ARID1B: variants seen among roughly 807,000 people sequenced by gnomAD.
The protein encoded by ARID1B is AT-rich interaction domain 1B.
ARID1B carries 30 observed loss-of-function variants against 212.3 expected under a neutral mutation model. The ratio of observed to expected loss-of-function variants is 0.14; its 90% confidence interval spans 0.11 to 0.19. The LOEUF (loss-of-function observed/expected upper bound fraction) is 0.19. Ranked by LOEUF, ARID1B falls within the 10% of genes least tolerant of loss-of-function variation. The pLI is 1.00. For missense variants in ARID1B, 2,891 were observed against 3,204.0 expected, an observed-to-expected ratio of 0.90 and a Z score of 2.36; for synonymous variants, 1,402 against 1,301.7, an observed-to-expected ratio of 1.08 and a Z score of -1.66.
chr6:156,983,062 T>G (rs1022817889), intron 4 of ARID1B, among the ~76,000 whole-genome samples: 2 of 146,592 alleles, frequency 1.4e-5, no homozygotes, highest in Non-Finnish European at 3.0e-5. Context: ...ACAACTGCAC[T>G]CCAGTCCGGG....
chr6:157,203,213 T>C lies in ARID1B; in HGVS notation c.5264-653T>C, dbSNP rs1794226190. On this transcript the variant is annotated intron_variant, in intron 18 of 19. Transcript: ENST00000636930. The surrounding 1 kb of genome is among the most constrained non-coding windows in gnomAD (Gnocchi z 4.4). ...TCTTCCAAACTTTCTACCTGATCAT[T>C]TTGTTTCCTTCAGTAGCAGGAATAG... Among the ~76,000 whole-genome samples the C allele has an allele frequency of 6.6e-6, 1 of 152,174 alleles. No individual in the cohort carries two copies. Among genetic ancestry groups the C allele is most frequent in the Non-Finnish European group, 1.5e-5 (1 of 68,036 alleles).
intron 5 of ARID1B, among the ~76,000 whole-genome samples, chr6:157,087,337 AAGTGGAATTACAAACATTTG>A (rs1278598305): frequency 6.6e-6 from 1 of 152,238 alleles, no homozygotes; most frequent in Non-Finnish European, 1.5e-5. Flanking sequence ...CCTTTCTCCC[AAGTGGAATTACAAACATTTG>A]AACTTGATGG....
At chr6:157,038,552 C>T (rs1321527240) in intron 4 of ARID1B, among the ~76,000 whole-genome samples, 1 of 152,016 alleles carries the variant, frequency 6.6e-6, no homozygotes, top group Non-Finnish European at 1.5e-5. Flanking sequence ...TGATACAACT[C>T]AAGTTTATAA....
At chr6:157,185,901 T>C (rs1792942015) in intron 13 of ARID1B, 1 of 152,268 alleles carries the variant, frequency 6.6e-6, no homozygotes, top group African/African-American at 2.4e-5. Context: ...TCCTTAAAGA[T>C]TCAAAGGCTT....
chr6:157,155,757 G>A (rs186688116), intron 8 of ARID1B, among the ~76,000 whole-genome samples: 132 of 152,230 alleles, frequency 8.7e-4, no homozygotes, highest in African/African-American at 3.0e-3. Context: ...TAACCCCACC[G>A]TATTGCTGTT....
chr6:157,098,000 T>C (rs1031170533), intron 5 of ARID1B, among the ~76,000 whole-genome samples: 2 of 152,300 alleles, frequency 1.3e-5, no homozygotes, highest in Non-Finnish European at 2.9e-5. Flanking sequence ...AATTAGACGA[T>C]GAATACAAGT....
intron 3 of ARID1B, among the ~76,000 whole-genome samples, chr6:156,909,109 T>C (rs1475465252): frequency 6.7e-6 from 1 of 149,842 alleles, no homozygotes; most frequent in African/African-American, 2.5e-5. Context: ...TCTTTTTTTT[T>C]CTTTTTTCTT....
intron 4 of ARID1B, among the ~76,000 whole-genome samples, chr6:157,029,603 C>T (rs1314471393): frequency 6.6e-6 from 1 of 152,164 alleles, no homozygotes; most frequent in East Asian, 1.9e-4. Flanking sequence ...GAGGGATTCT[C>T]TTGAGGAGTG....
In ARID1B at chr6:156,901,480, G is replaced by C. The variant is rs146312104; in HGVS notation, c.2091G>C (p.Ala697=). The stretch of plus-strand genomic sequence containing the variant: ...AGCCCCCGCACCTCCCACCCCAGGC[G>C]CAGTATCTGCCGTCCCAGTCCCAGC... The part of the protein sequence containing the change: ...QPQPPHLPPQ[A]QYLPSQSQQR... Residue 697 remains alanine, a synonymous_variant, in exon 3 of 20, where the codon GCG becomes GCC. Coordinates refer to ENST00000636930, the MANE Select transcript of ARID1B (RefSeq NM_001374828.1). 57 of 1,613,756 alleles carry C rather than the reference G, an allele frequency of 3.5e-5. No homozygotes were observed. The highest frequency in any genetic ancestry group is 4.5e-5 in the Non-Finnish European group (53 of 1,180,008).
At chr6:157,175,115 C>G in intron 11 of ARID1B, 110 bp downstream of exon 11, 2 of 951,186 alleles carry the variant, frequency 2.1e-6, no homozygotes, top group Non-Finnish European at 1.4e-6. Context: ...TTTTGTAAGA[C>G]TTTTTCTTCA....
At chr6:156,926,256 ATGAAAT>A (rs1295557401) in intron 3 of ARID1B, among the ~76,000 whole-genome samples, 1 of 152,202 alleles carries the variant, frequency 6.6e-6, no homozygotes, top group Non-Finnish European at 1.5e-5. Flanking sequence ...TAGGGGAAAA[ATGAAAT>A]TGTTAAGGTT....
chr6:157,053,741 A>G (rs1388850835), intron 4 of ARID1B, among the ~76,000 whole-genome samples: 3 of 152,100 alleles, frequency 2.0e-5, no homozygotes, highest in Admixed American at 1.3e-4. Flanking sequence ...GCCTTTCTAT[A>G]AGTTTGATTT....
intron 4 of ARID1B, among the ~76,000 whole-genome samples, chr6:157,039,394 A>G (rs1317147740): frequency 4.0e-4 from 54 of 133,492 alleles, no homozygotes; most frequent in South Asian, 4.5e-4. Flanking sequence ...GCAGTGGCGC[A>G]ATCTCGGCTC....
Position 157,174,966 on chromosome 6 carries a change from C to T in ARID1B, c.3465C>T (p.Ser1155=). Residue 1155 remains serine (S), a synonymous_variant, in exon 11 of 20, where the codon AGC becomes AGT. Transcript: ENST00000636930. ...CATTTCATGGAGATGAAAGTGATAG[C>T]ATTAGCAGCCCAGGCTGGCCAAAGA... ...ISSFHGDESD[S]ISSPGWPKTP... is the part of the protein sequence containing the mutation. The T allele has an allele frequency of 6.5e-7, 1 of 1,528,062 alleles. No homozygotes were observed. Among genetic ancestry groups the T allele is most frequent in the Non-Finnish European group, 8.8e-7 (1 of 1,135,500 alleles). 94.7% of individuals were successfully genotyped at this position (1,528,062 alleles called of 1,614,324 possible). A position where few individuals can be genotyped will look rare whatever the true frequency, so the allele number is the denominator to read the frequency against.
chr6:157,184,662 C>T (rs144085333), intron 13 of ARID1B: 2 of 597,992 alleles, frequency 3.3e-6, no homozygotes, highest in Admixed American at 6.0e-5. Context: ...TTGGAAGGCA[C>T]CCCTTCTTTT....
intron 3 of ARID1B, among the ~76,000 whole-genome samples, chr6:156,933,005 A>G (rs904753810): frequency 1.1e-4 from 16 of 152,222 alleles, no homozygotes; most frequent in Non-Finnish European, 5.9e-5. Context: ...TAAAGAGTGA[A>G]ATATAAGGCC....
intron 1 of ARID1B, among the ~76,000 whole-genome samples, chr6:156,814,244 C>T (rs1473871178): frequency 3.9e-5 from 6 of 151,972 alleles, no homozygotes; most frequent in Admixed American, 3.3e-4. Context: ...GGCAAGACCC[C>T]GTCTCTACAA....
At chr6:156,781,330 T>C (rs1473397100) in intron 1 of ARID1B, among the ~76,000 whole-genome samples, 1 of 152,156 alleles carries the variant, frequency 6.6e-6, no homozygotes, top group Non-Finnish European at 1.5e-5. Flanking sequence ...TGAGCCTTGT[T>C]TGAACTGCTT....
At chr6:156,868,889 G>A (rs1785909286) in intron 2 of ARID1B, among the ~76,000 whole-genome samples, 1 of 151,750 alleles carries the variant, frequency 6.6e-6, no homozygotes, top group African/African-American at 2.4e-5. Flanking sequence ...ACTTTGTTTT[G>A]CTAATGTGAA....
Sources: allele counts gnomAD v4.1 joint callset (sites outside exome capture counted in the v4.1 genomes callset), GRCh38; gene constraint gnomAD v4.1.1; non-coding constraint Gnocchi (gnomAD v3.1); transcripts MANE v1.5; gene names NCBI Gene and HGNC (gene_info 2026-07-23, HGNC 2026-07-21).